ADGRV1: variants seen among roughly 807,000 people sequenced by gnomAD.
ADGRV1 encodes the protein adhesion G protein-coupled receptor V1.
Under a neutral mutation model 596.2 loss-of-function variants are expected in ADGRV1, and 359 were observed. That is an observed-to-expected ratio of 0.60 (90% CI 0.55 to 0.66). The LOEUF is 0.66. Among genes scored for constraint, ADGRV1 ranks in the 30% least tolerant of loss-of-function variants. ADGRV1 has a pLI of 0.00. For missense variants in ADGRV1, 7,274 were observed against 7,575.6 expected (o/e 0.96, Z 1.48); for synonymous variants, 2,681 against 2,679.2 (o/e 1.00, Z -0.02).
intron 86 of ADGRV1, among the ~76,000 whole-genome samples, chr5:91,101,398 T>C (rs1451408627): frequency 6.6e-6 from 1 of 152,174 alleles, no homozygotes; most frequent in African/African-American, 2.4e-5. Flanking sequence ...ATGAAAGTTG[T>C]CAGTGGTGTG....
At chr5:90,693,536 A>G (rs561179070) in intron 32 of ADGRV1, among the ~76,000 whole-genome samples, 1 of 152,008 alleles carries the variant, frequency 6.6e-6, no homozygotes, top group Non-Finnish European at 1.5e-5. Flanking sequence ...GACTGTTACT[A>G]CATTTCCTCA....
At chr5:90,928,852 A>T (rs1774846555) in intron 83 of ADGRV1, among the ~76,000 whole-genome samples, 1 of 149,332 alleles carries the variant, frequency 6.7e-6, no homozygotes, top group Non-Finnish European at 1.5e-5. Flanking sequence ...CTTCTAACAG[A>T]CAGGACCCTC....
chr5:90,981,355 A>G (rs1185330511), intron 84 of ADGRV1, among the ~76,000 whole-genome samples: 7 of 152,180 alleles, frequency 4.6e-5, no homozygotes, highest in South Asian at 2.1e-4. Flanking sequence ...GGTAACTTTG[A>G]ATAGAATGGG....
At chr5:90,970,178 G>A (rs763741957) in intron 84 of ADGRV1, among the ~76,000 whole-genome samples, 1 of 152,226 alleles carries the variant, frequency 6.6e-6, no homozygotes, top group Non-Finnish European at 1.5e-5. Flanking sequence ...GGCTGGGGGA[G>A]GGGTGCCCAC....
rs1275533241 is a variant in ADGRV1 at position 90,558,816 on chromosome 5, G to T, written c.-80G>T. 2 of 1,388,686 alleles carry T rather than the reference G, an allele frequency of 1.4e-6. No individual in the cohort carries two copies. The highest frequency in any genetic ancestry group is 2.0e-6 in the Non-Finnish European group (2 of 998,088). 86.0% of individuals were successfully genotyped at this position (1,388,686 alleles called of 1,614,324 possible). A position where few individuals can be genotyped will look rare whatever the true frequency, so the allele number is the denominator to read the frequency against. ...TGTAGTGGTAGTAAGAATCAGCAGC[G>T]CGGGCAAGGAGTACGGACGGGAGTC... On this transcript the variant is annotated 5_prime_UTR_variant, in exon 1 of 90. Coordinates refer to ENST00000405460, the MANE Select transcript of ADGRV1 (RefSeq NM_032119.4).
At chr5:91,144,705 C>T (rs1185425290) in intron 87 of ADGRV1, among the ~76,000 whole-genome samples, 1 of 152,212 alleles carries the variant, frequency 6.6e-6, no homozygotes, top group African/African-American at 2.4e-5. Flanking sequence ...TCCCTGTAAG[C>T]TTTCACTAGG....
intron 50 of ADGRV1, among the ~76,000 whole-genome samples, chr5:90,733,438 G>A (rs1752809062): frequency 6.6e-6 from 1 of 152,098 alleles, no homozygotes; most frequent in Non-Finnish European, 1.5e-5. Context: ...GGGGATAGTC[G>A]AACTCATAAA....
chr5:90,887,884 A>C (rs77196083), intron 83 of ADGRV1, among the ~76,000 whole-genome samples: 1 of 152,186 alleles, frequency 6.6e-6, no homozygotes, highest in Admixed American at 6.5e-5. Context: ...TTTGTACCAC[A>C]GTTTTTTTAA....
intron 83 of ADGRV1, among the ~76,000 whole-genome samples, chr5:90,909,401 G>A (rs1030874136): frequency 2.0e-5 from 3 of 152,030 alleles, no homozygotes; most frequent in Non-Finnish European, 4.4e-5. Flanking sequence ...TGACCTATAT[G>A]TTGTAACGTT....
intron 86 of ADGRV1, among the ~76,000 whole-genome samples, chr5:91,074,803 C>T (rs927131696): frequency 2.0e-5 from 3 of 152,142 alleles, no homozygotes; most frequent in African/African-American, 7.2e-5. Context: ...AGTGTATAAG[C>T]AAGCATTCCC....
Position 90,694,502 on chromosome 5 carries a change from C to A in ADGRV1, c.7746C>A (p.Ile2582=), listed in dbSNP as rs754908194. The change falls in exon 33 of 90, where the codon ATC becomes ATA. Residue 2582 remains isoleucine (I), a synonymous_variant. Transcript: ENST00000405460. Reference sequence around the variant, plus strand: ...GTGATGCCTTTGGAGTGTTTGTGATCTACAATATTAGTCCCAATACTTCCG... The same window carrying A: ...GTGATGCCTTTGGAGTGTTTGTGATATACAATATTAGTCCCAATACTTCCG... ...LNGDAFGVFV[I]YNISPNTSED... The A allele has an allele frequency of 3.7e-6, 6 of 1,613,930 alleles. No homozygotes were observed. The East Asian group carries it at 1.1e-4, about 30-fold the overall frequency.
intron 83 of ADGRV1, among the ~76,000 whole-genome samples, chr5:90,910,652 T>C (rs547237717): frequency 6.6e-6 from 1 of 151,850 alleles, no homozygotes; most frequent in South Asian, 2.1e-4. Flanking sequence ...AACATATATA[T>C]TATAGATAAA....
intron 87 of ADGRV1, among the ~76,000 whole-genome samples, chr5:91,111,181 A>G (rs2973450): frequency 0.13 from 19,161 of 152,102 alleles, 1,355 homozygotes; most frequent in African/African-American, 0.2. Flanking sequence ...TTAAACACAT[A>G]AAACATTTCT....
chr5:90,823,331 T>G (rs939195430), intron 75 of ADGRV1, 94 bp from the exon 76 acceptor site: 26 of 1,266,310 alleles, frequency 2.1e-5, no homozygotes, highest in Non-Finnish European at 2.8e-5. Context: ...TTTGGTATAC[T>G]TTGGATGAAG....
At chr5:90,905,796 T>C (rs1772269102) in intron 83 of ADGRV1, among the ~76,000 whole-genome samples, 1 of 152,030 alleles carries the variant, frequency 6.6e-6, no homozygotes, top group Admixed American at 6.6e-5. Context: ...AGTAGGCTTT[T>C]TTGTTGTGTT....
intron 29 of ADGRV1, among the ~76,000 whole-genome samples, chr5:90,687,085 G>C (rs1213574109): frequency 6.6e-6 from 1 of 152,022 alleles, no homozygotes; most frequent in Middle Eastern, 3.4e-3. Context: ...AAATTTGTTT[G>C]AGTTCATTGT....
intron 86 of ADGRV1, among the ~76,000 whole-genome samples, chr5:91,095,863 A>G (rs1233412607): frequency 6.6e-6 from 1 of 151,744 alleles, no homozygotes; most frequent in Non-Finnish European, 1.5e-5. Context: ...GCTCACCGCA[A>G]CCTCCACCTC....
At chr5:90,725,261 T>C (rs760647867) in intron 47 of ADGRV1, 29 bp downstream of exon 47, 1 of 1,194,088 alleles carries the variant, frequency 8.4e-7, no homozygotes, top group South Asian at 1.6e-5. Context: ...TTAAATAGAT[T>C]ACTTTCTTTA....
chr5:91,074,600 G>A (rs1475874044), intron 86 of ADGRV1, among the ~76,000 whole-genome samples: 6 of 152,152 alleles, frequency 3.9e-5, no homozygotes, highest in East Asian at 3.8e-4. Context: ...TTGATTTCAT[G>A]TCTTTGCTAT....
Sources: allele counts gnomAD v4.1 joint callset (sites outside exome capture counted in the v4.1 genomes callset), GRCh38; gene constraint gnomAD v4.1.1; transcripts MANE v1.5; gene names NCBI Gene and HGNC (gene_info 2026-07-23, HGNC 2026-07-21).